MAGI2: variants seen among roughly 807,000 people sequenced by gnomAD.
The protein encoded by MAGI2 is membrane-associated guanylate kinase, WW and PDZ domain-containing protein 2.
MAGI2 carries 35 observed loss-of-function variants against 133.3 expected under a neutral mutation model. The ratio of observed to expected loss-of-function variants is 0.26; its 90% CI spans 0.20 to 0.35. The LOEUF (loss-of-function observed/expected upper bound fraction) is 0.35, where lower values mean the gene tolerates loss of function less well. Among genes scored for constraint, MAGI2 ranks in the 10% least tolerant of loss-of-function variants. The pLI is 1.00. For missense variants in MAGI2, 1,636 were observed against 1,863.4 expected (o/e 0.88, Z 2.25); for synonymous variants, 729 against 710.6 (o/e 1.03, Z -0.41).
At chr7:79,413,436 T>C (rs1846275008) in intron 1 of MAGI2, 1 of 152,134 alleles carries the variant, frequency 6.6e-6, no homozygotes, top group African/African-American at 2.4e-5. Flanking sequence ...CTTTACTGAT[T>C]CATCTGAGCC....
intron 6 of MAGI2, among the ~76,000 whole-genome samples, chr7:78,383,944 T>C (rs374402262): frequency 3.9e-5 from 6 of 152,202 alleles, no homozygotes; most frequent in African/African-American, 1.2e-4. Flanking sequence ...TTCTGTTATA[T>C]TGGTCTATGT....
At chr7:79,348,981 C>T (rs772526608) in intron 1 of MAGI2, among the ~76,000 whole-genome samples, 1 of 151,886 alleles carries the variant, frequency 6.6e-6, no homozygotes, top group Non-Finnish European at 1.5e-5. Flanking sequence ...TTCAGGAAGT[C>T]TTAAAGTATT....
At chr7:78,803,443 T>C (rs1284768765) in intron 2 of MAGI2, among the ~76,000 whole-genome samples, 1 of 152,194 alleles carries the variant, frequency 6.6e-6, no homozygotes, top group Non-Finnish European at 1.5e-5. Context: ...AACCGAAACA[T>C]CAGTGCATTA....
At chr7:78,808,222 C>T (rs544982736) in intron 2 of MAGI2, among the ~76,000 whole-genome samples, 53 of 152,140 alleles carry the variant, frequency 3.5e-4, no homozygotes, top group African/African-American at 1.3e-3. Context: ...AGGAGAAGGA[C>T]CAGCCTTCAG....
rs114778351 is a variant in MAGI2, at chr7:79,195,253, G to A, written c.302-188047C>T. Among the ~76,000 whole-genome samples, 538 of 152,036 alleles carry A rather than the reference G, an allele frequency of 3.5e-3. 12 individuals are homozygous for A. Among genetic ancestry groups the A allele is most frequent in the African/African-American group, 0.013 (522 of 41,424 alleles). On this transcript the variant is annotated intron_variant, in intron 1 of 21. Coordinates refer to ENST00000354212, the MANE Select transcript of MAGI2 (RefSeq NM_012301.4). Reference sequence around the variant, plus strand: ...ACTGACTAATGTGGTGTTAATGAAAGCACCTCTTACAAATGAAAATCAGAT... The same window carrying A: ...ACTGACTAATGTGGTGTTAATGAAAACACCTCTTACAAATGAAAATCAGAT...
intron 20 of MAGI2, among the ~76,000 whole-genome samples, chr7:78,121,407 G>T (rs1820464604): frequency 6.6e-6 from 1 of 152,020 alleles, no homozygotes; most frequent in Non-Finnish European, 1.5e-5. Context: ...TCAACATGAA[G>T]AAATATTCAA....
intron 1 of MAGI2, among the ~76,000 whole-genome samples, chr7:79,346,129 A>AT (rs1163761113): frequency 6.6e-6 from 1 of 152,008 alleles, no homozygotes; most frequent in Non-Finnish European, 1.5e-5. Context: ...CAACACTTAG[A>AT]TTTTTTTGTA....
intron 21 of MAGI2, among the ~76,000 whole-genome samples, chr7:78,034,301 A>G (rs1809930127): frequency 6.6e-6 from 1 of 152,186 alleles, no homozygotes; most frequent in Admixed American, 6.5e-5. Flanking sequence ...CTACAGAAGC[A>G]TTTAATGGAG....
chr7:78,163,961 G>T (rs1433124873), intron 15 of MAGI2, among the ~76,000 whole-genome samples: 1 of 150,970 alleles, frequency 6.6e-6, no homozygotes, highest in Non-Finnish European at 1.5e-5. Context: ...GATTTTTATA[G>T]AAATACTGAT....
At chr7:79,450,061 T>A (rs1298111985) in intron 1 of MAGI2, among the ~76,000 whole-genome samples, 1 of 151,836 alleles carries the variant, frequency 6.6e-6, no homozygotes, top group Non-Finnish European at 1.5e-5. Context: ...TTCTTATTAT[T>A]CAAATCTTAC....
chr7:78,717,965 A>T (rs887468977), intron 2 of MAGI2, among the ~76,000 whole-genome samples: 24 of 152,080 alleles, frequency 1.6e-4, no homozygotes, highest in Non-Finnish European at 2.5e-4. Context: ...ACCCAAGATA[A>T]CTCTGTAATG....
intron 3 of MAGI2, among the ~76,000 whole-genome samples, chr7:78,571,690 A>C (rs1203549645): frequency 6.6e-6 from 1 of 152,208 alleles, no homozygotes. Context: ...AATAACAGCA[A>C]TAATAAAGAG....
chr7:78,895,290 A>G (rs1797114326), intron 2 of MAGI2, among the ~76,000 whole-genome samples: 1 of 152,178 alleles, frequency 6.6e-6, no homozygotes, highest in South Asian at 2.1e-4. Flanking sequence ...CAGATGTGAT[A>G]TCTTGTCTTG....
At chr7:78,096,041 G>C (rs1034813262) in intron 20 of MAGI2, among the ~76,000 whole-genome samples, 1 of 152,100 alleles carries the variant, frequency 6.6e-6, no homozygotes, top group Non-Finnish European at 1.5e-5. Context: ...TTGTAAAAAG[G>C]GTTACCGACT....
chr7:78,520,109 A>G (rs572300624), intron 4 of MAGI2, among the ~76,000 whole-genome samples: 3 of 152,312 alleles, frequency 2.0e-5, no homozygotes, highest in African/African-American at 7.2e-5. Flanking sequence ...TGTATCTAGA[A>G]ATCAATGATG....
intron 1 of MAGI2, among the ~76,000 whole-genome samples, chr7:79,132,330 T>C (rs1382485947): frequency 6.6e-6 from 1 of 152,112 alleles, no homozygotes; most frequent in Non-Finnish European, 1.5e-5. Flanking sequence ...TTAAAGTCCA[T>C]TATATCACTC....
intron 9 of MAGI2, among the ~76,000 whole-genome samples, chr7:78,325,920 T>C (rs1662892053): frequency 6.6e-6 from 1 of 152,248 alleles, no homozygotes; most frequent in Admixed American, 6.5e-5. Flanking sequence ...CAAAATCATT[T>C]TGAATGTTAC....
intron 1 of MAGI2, among the ~76,000 whole-genome samples, chr7:79,101,697 A>G (rs1424529717): frequency 1.5e-5 from 2 of 134,198 alleles, no homozygotes; most frequent in African/African-American, 5.4e-5. Context: ...GCACTCCAGC[A>G]GGTGCTACAG....
At chr7:78,589,873 GTTA>G (rs904848713) in intron 3 of MAGI2, among the ~76,000 whole-genome samples, 1 of 152,134 alleles carries the variant, frequency 6.6e-6, no homozygotes, top group Non-Finnish European at 1.5e-5. Context: ...CAACAAGCAG[GTTA>G]TTATTTCAAA....
Sources: allele counts gnomAD v4.1 joint callset (sites outside exome capture counted in the v4.1 genomes callset), GRCh38; gene constraint gnomAD v4.1.1; transcripts MANE v1.5; gene names NCBI Gene and HGNC (gene_info 2026-07-23, HGNC 2026-07-21).